Variants in MYO5B observed in about 807,000 individuals in gnomAD.
MYO5B encodes the protein myosin VB.
A neutral mutation model predicts 229.3 loss-of-function variants in MYO5B; 143 were observed. The ratio of observed to expected loss-of-function variants is 0.62; its 90% CI spans 0.54 to 0.72. MYO5B has a LOEUF of 0.72. Ranked by LOEUF, MYO5B falls within the 30% of genes least tolerant of loss-of-function variation. MYO5B has a pLI of 0.00. For missense variants in MYO5B, 2,321 were observed against 2,331.0 expected, an observed-to-expected ratio of 1.00 and a Z score of 0.09; for synonymous variants, 918 against 885.2, an observed-to-expected ratio of 1.04 and a Z score of -0.66.
At position 49,923,831 on chromosome 18, in the gene MYO5B, C is replaced by A. The variant is rs531685819; in HGVS notation, c.2090+5681G>T. Among the ~76,000 whole-genome samples the A allele has an allele frequency of 3.9e-5, 6 of 152,276 alleles. No individual in the cohort carries two copies. The East Asian group carries it at 1.2e-3, about 29-fold the overall frequency. On this transcript the variant is annotated intron_variant, in intron 17 of 39. Coordinates refer to ENST00000285039, the MANE Select transcript of MYO5B (RefSeq NM_001080467.3). ...CTGAGGGGGGTCCCAGAGGTTCCACCTGCCTTAGAATATCTCATTGTCACA... is the reference window on the plus strand; with the variant it reads ...CTGAGGGGGGTCCCAGAGGTTCCACATGCCTTAGAATATCTCATTGTCACA...
At chr18:49,887,265 C>A (rs1469016945) in intron 22 of MYO5B, among the ~76,000 whole-genome samples, 1 of 152,096 alleles carries the variant, frequency 6.6e-6, no homozygotes, top group Non-Finnish European at 1.5e-5. Flanking sequence ...ATGTCATGCA[C>A]TCTGTGCTGG....
intron 1 of MYO5B, among the ~76,000 whole-genome samples, chr18:50,116,600 C>T (rs1291039286): frequency 6.6e-6 from 1 of 152,066 alleles, no homozygotes; most frequent in African/African-American, 2.4e-5. Context: ...CCCAATGGGA[C>T]ACAGAAGGTG....
At chr18:49,919,161 A>G (rs1459402178) in intron 17 of MYO5B, among the ~76,000 whole-genome samples, 1 of 152,228 alleles carries the variant, frequency 6.6e-6, no homozygotes, top group Non-Finnish European at 1.5e-5. Context: ...AAAGAATGAG[A>G]CTGGGCTCTT....
intron 25 of MYO5B, among the ~76,000 whole-genome samples, chr18:49,877,549 G>C (rs1021736159): frequency 2.6e-5 from 4 of 152,170 alleles, no homozygotes; most frequent in African/African-American, 9.7e-5. Context: ...GGTGTAAGGT[G>C]AACAATAATG....
chr18:50,081,977 C>G lies in MYO5B; in HGVS notation c.28-26599G>C, dbSNP rs899827838. The stretch of plus-strand genomic sequence containing the variant: ...GTAATTTGTTTGGTTTAACAAAATT[C>G]TTTTCTAAAAGTGAAAATACACCTA... On this transcript the variant is annotated intron_variant, in intron 1 of 39. Coordinates refer to ENST00000285039, the MANE Select transcript of MYO5B (RefSeq NM_001080467.3). 6.6e-5 allele frequency among the ~76,000 whole-genome samples: 10 copies of G among 152,266 alleles called. No individual in the cohort carries two copies. In the South Asian group the frequency reaches 2.1e-3, roughly 32 times the overall value.
At chr18:49,875,937 C>T in intron 25 of MYO5B, 110 bp from the exon 26 acceptor site, 1 of 1,262,748 alleles carries the variant, frequency 7.9e-7, no homozygotes. Context: ...CCTCTCTCCT[C>T]CCAAACATCA....
chr18:50,030,214 A>G (rs2026372380), intron 4 of MYO5B, among the ~76,000 whole-genome samples: 1 of 152,200 alleles, frequency 6.6e-6, no homozygotes, highest in Admixed American at 6.5e-5. Flanking sequence ...TTAGGAAGAT[A>G]AAGTTGTCAA....
chr18:50,056,292 C>T (rs1332124130), intron 1 of MYO5B, among the ~76,000 whole-genome samples: 1 of 152,164 alleles, frequency 6.6e-6, no homozygotes, highest in African/African-American at 2.4e-5. Context: ...TCAGAATCAC[C>T]TGGGGAGCCT....
rs950817187 is a variant in MYO5B, at chr18:50,007,564, C to G, written c.456-6153G>C. ...CACCCACATCTACTGTGTTCAAGGC[C>G]CTGGGGGACCGAGCACCTCTCTCCA... On this transcript the variant is annotated intron_variant, in intron 4 of 39. Coordinates refer to ENST00000285039, the MANE Select transcript of MYO5B (RefSeq NM_001080467.3). Among the ~76,000 whole-genome samples, 3 of 152,186 alleles carry G rather than the reference C, an allele frequency of 2.0e-5. No homozygotes were observed. In the East Asian group the frequency reaches 5.8e-4, roughly 29 times the overall value.
At chr18:49,944,834 CCA>C (rs2025353547) in intron 14 of MYO5B, among the ~76,000 whole-genome samples, 1 of 152,116 alleles carries the variant, frequency 6.6e-6, no homozygotes, top group African/African-American at 2.4e-5. Context: ...AGCAAGGCAT[CCA>C]CAGACAGACA....
rs1297190880 is a variant in MYO5B at position 49,853,472 on chromosome 18, A to C, written c.4198T>G (p.Ser1400Ala). The change falls in exon 31 of 40, where the codon TCC becomes GCC. Residue 1400 changes from serine to alanine, a missense_variant. Coordinates refer to ENST00000285039, the MANE Select transcript of MYO5B (RefSeq NM_001080467.3). The stretch of plus-strand genomic sequence containing the variant: ...ACCAGATTCTCGTTGGTCAGCCGGG[A>C]TATTTCCTGCTGAACGCCGAATTCC... ...QVEFGVQQEI[S>A]RLTNENLDLK... 2 of 1,613,676 alleles carry C rather than the reference A, an allele frequency of 1.2e-6. No individual in the cohort carries two copies. Among genetic ancestry groups the C allele is most frequent in the Non-Finnish European group, 1.7e-6 (2 of 1,179,952 alleles).
chr18:50,146,781 T>C (rs955934881), intron 1 of MYO5B, among the ~76,000 whole-genome samples: 5 of 152,236 alleles, frequency 3.3e-5, no homozygotes, highest in Non-Finnish European at 5.9e-5. Flanking sequence ...CAAAGTGTAA[T>C]CCATTTGGGT....
At chr18:50,001,440 T>TTGGCCATG in intron 4 of MYO5B, 29 bp from the exon 5 acceptor site, 13 of 1,613,710 alleles carry the variant, frequency 8.1e-6, no homozygotes, top group Non-Finnish European at 1.1e-5. Flanking sequence ...TGATAAGTCA[T>TTGGCCATG]TGGCCATGGA....
chr18:50,030,629 G>A (rs1016944566), intron 4 of MYO5B, among the ~76,000 whole-genome samples: 2 of 151,842 alleles, frequency 1.3e-5, no homozygotes, highest in African/African-American at 4.8e-5. Context: ...TCACCCTCAT[G>A]GGCTCCAGAT....
At chr18:50,144,521 C>A (rs2032469658) in intron 1 of MYO5B, among the ~76,000 whole-genome samples, 1 of 152,156 alleles carries the variant, frequency 6.6e-6, no homozygotes, top group Non-Finnish European at 1.5e-5. Context: ...AAAAACAGGA[C>A]TTCAGTGGAA....
intron 4 of MYO5B, among the ~76,000 whole-genome samples, chr18:50,028,836 C>T (rs2026359412): frequency 1.3e-5 from 2 of 152,172 alleles, no homozygotes; most frequent in African/African-American, 2.4e-5. Flanking sequence ...TATTAAGAAA[C>T]TAAAATATCT....
intron 6 of MYO5B, 42 bp downstream of exon 6, chr18:49,992,246 T>C: frequency 1.2e-6 from 2 of 1,613,848 alleles, no homozygotes; most frequent in East Asian, 2.2e-5. Flanking sequence ...AAGGTAATTG[T>C]CCATGAGAAA....
intron 12 of MYO5B, among the ~76,000 whole-genome samples, chr18:49,959,957 T>C (rs894073642): frequency 3.9e-5 from 6 of 152,098 alleles, no homozygotes; most frequent in Non-Finnish European, 5.9e-5. Flanking sequence ...TGTGGCTTGT[T>C]TGGGGCCTGT....
intron 22 of MYO5B, among the ~76,000 whole-genome samples, chr18:49,885,394 A>T (rs1249975291): frequency 1.3e-5 from 2 of 152,156 alleles, no homozygotes; most frequent in African/African-American, 2.4e-5. Flanking sequence ...CGTGGAGCAG[A>T]GGAGAGATGA....
Sources: allele counts gnomAD v4.1 joint callset (sites outside exome capture counted in the v4.1 genomes callset), GRCh38; gene constraint gnomAD v4.1.1; transcripts MANE v1.5; gene names NCBI Gene and HGNC (gene_info 2026-07-23, HGNC 2026-07-21).